Variants in ZNF804B observed in about 807,000 individuals in gnomAD.
ZNF804B encodes the protein zinc finger protein 804B.
ZNF804B carries 80 observed loss-of-function variants against 101.4 expected under a neutral mutation model. The observed-to-expected ratio is 0.79, with a 90% CI of 0.66 to 0.95. ZNF804B has a LOEUF of 0.95. Ranked by LOEUF, ZNF804B falls within the 40% of genes least tolerant of loss-of-function variation. ZNF804B has a pLI of 0.00. For missense variants in ZNF804B, 1,673 were observed against 1,561.9 expected, an observed-to-expected ratio of 1.07 and a Z score of -1.20; for synonymous variants, 622 against 558.8, an observed-to-expected ratio of 1.11 and a Z score of -1.59.
At chr7:89,315,504 T>C (rs1376730524) in intron 2 of ZNF804B, among the ~76,000 whole-genome samples, 1 of 152,190 alleles carries the variant, frequency 6.6e-6, no homozygotes, top group Non-Finnish European at 1.5e-5. Flanking sequence ...TTTTAAAATA[T>C]TGATACATCC....
intron 1 of ZNF804B, among the ~76,000 whole-genome samples, chr7:88,795,929 G>T (rs1790475197): frequency 6.6e-6 from 1 of 152,132 alleles, no homozygotes; most frequent in African/African-American, 2.4e-5. Context: ...CAGACAGATG[G>T]TGAGAATCTG....
chr7:88,923,696 T>C (rs1584019048), intron 1 of ZNF804B, among the ~76,000 whole-genome samples: 1 of 152,214 alleles, frequency 6.6e-6, no homozygotes, highest in East Asian at 1.9e-4. Flanking sequence ...TTTCTCATTT[T>C]TCCTGAGGTA....
At position 89,210,827 on chromosome 7, in the gene ZNF804B, T is replaced by C. The variant is rs570930271; in HGVS notation, c.109-7328T>C. Among the ~76,000 whole-genome samples, 3 of 152,334 alleles carry C rather than the reference T, an allele frequency of 2.0e-5. No homozygotes were observed. In the East Asian group the frequency reaches 5.8e-4, roughly 29 times the overall value. ...ACATGGTATGCGTGTATTTCTGTAA[T>C]AGAATGACTTATATTCCTTTGGGTA... On this transcript the variant is annotated intron_variant, in intron 1 of 3. Transcript: ENST00000333190.
intron 1 of ZNF804B, among the ~76,000 whole-genome samples, chr7:88,981,352 T>G (rs1793691730): frequency 6.6e-6 from 1 of 152,078 alleles, no homozygotes; most frequent in South Asian, 2.1e-4. Context: ...TATTCTACTG[T>G]GGTTGAGCTA....
intron 1 of ZNF804B, among the ~76,000 whole-genome samples, chr7:89,021,384 A>T (rs1370390734): frequency 6.6e-6 from 1 of 152,114 alleles, no homozygotes. Context: ...GTGATTCACT[A>T]TGGTTGGGGT....
intron 1 of ZNF804B, among the ~76,000 whole-genome samples, chr7:88,868,105 C>A (rs1791762980): frequency 6.7e-6 from 1 of 148,814 alleles, no homozygotes; most frequent in Non-Finnish European, 1.5e-5. Context: ...TTTCTTTAAG[C>A]AACAAATGCT....
At chr7:88,924,626 C>G (rs1273111151) in intron 1 of ZNF804B, among the ~76,000 whole-genome samples, 2 of 152,242 alleles carry the variant, frequency 1.3e-5, no homozygotes, top group East Asian at 1.9e-4. Context: ...AGTCCTCAAC[C>G]TGGGAAAGCT....
At chr7:88,762,558 T>G (rs1399242392) in intron 1 of ZNF804B, among the ~76,000 whole-genome samples, 1 of 152,250 alleles carries the variant, frequency 6.6e-6, no homozygotes, top group African/African-American at 2.4e-5. Flanking sequence ...TATAGATCTT[T>G]TTTTAATTCA....
At chr7:88,846,451 T>A (rs1791374642) in intron 1 of ZNF804B, among the ~76,000 whole-genome samples, 1 of 152,218 alleles carries the variant, frequency 6.6e-6, no homozygotes, top group Admixed American at 6.5e-5. Flanking sequence ...GGACAAATGT[T>A]ATATGTTATC....
At chr7:88,992,238 A>G (rs1199340124) in intron 1 of ZNF804B, among the ~76,000 whole-genome samples, 2 of 152,158 alleles carry the variant, frequency 1.3e-5, no homozygotes, top group Admixed American at 6.5e-5. Context: ...TATTTTGCAT[A>G]CCAAAATTAA....
chr7:89,311,883 T>C lies in ZNF804B; in HGVS notation c.250-15461T>C, dbSNP rs1163456019. The stretch of plus-strand genomic sequence containing the variant: ...AGTTTAACTTTGGATATGCCATGGG[T>C]AGAAATTAAATAAACCTTGTAATTA... On this transcript the variant is annotated intron_variant, in intron 2 of 3. Coordinates refer to ENST00000333190, the MANE Select transcript of ZNF804B (RefSeq NM_181646.5). Among the ~76,000 whole-genome samples the C allele has an allele frequency of 4.6e-5, 7 of 152,298 alleles. No homozygotes were observed. The East Asian group carries it at 5.8e-4, about 13-fold the overall frequency.
chr7:89,156,036 CTTTCTTTCTTTCTTTCTTTCTTTCTTT>C (rs1562899697), intron 1 of ZNF804B, among the ~76,000 whole-genome samples: 87 of 56,746 alleles, frequency 1.5e-3, no homozygotes, highest in African/African-American at 2.2e-3. Context: ...TTCTTTCTTT[CTTTCTTTCTTTCTTTCTTTCTTTCTTT>C]CTTTCTTTCT....
chr7:88,985,794 T>G lies in ZNF804B; in HGVS notation c.108+225710T>G, dbSNP rs190930822. 1.0e-3 allele frequency among the ~76,000 whole-genome samples: 155 copies of G among 152,192 alleles called. 2 individuals are homozygous for G. Among genetic ancestry groups the G allele is most frequent in the African/African-American group, 3.6e-3 (150 of 41,568 alleles). On this transcript the variant is annotated intron_variant, in intron 1 of 3. Coordinates refer to ENST00000333190, the MANE Select transcript of ZNF804B (RefSeq NM_181646.5). ...ACTTTTTGAAAGGAGAAAAGTGTTC[T>G]ATAACCACCATGGGTCACCTGTTGA... is the stretch of plus-strand genomic sequence containing the variant.
intron 1 of ZNF804B, among the ~76,000 whole-genome samples, chr7:88,816,011 C>T (rs1790869930): frequency 6.6e-6 from 1 of 152,162 alleles, no homozygotes; most frequent in Admixed American, 6.5e-5. Flanking sequence ...TGCTATCCTA[C>T]TCCGACTCTA....
intron 2 of ZNF804B, among the ~76,000 whole-genome samples, chr7:89,275,622 G>C (rs9691184): frequency 0.15 from 23,086 of 151,720 alleles, 2,281 homozygotes; most frequent in Middle Eastern, 0.28. Context: ...TCAGATCTCT[G>C]ATCCAATTCC....
Position 89,336,233 on chromosome 7 carries a change from G to A in ZNF804B, c.3251G>A (p.Gly1084Asp), listed in dbSNP as rs139960501. The change falls in exon 4 of 4, where the codon GGT (glycine) becomes GAT (aspartate). Residue 1084 changes from glycine (G) to aspartate (D), a missense_variant. Physicochemically the swap from Gly to Asp is moderately conservative, Grantham distance 94 (BLOSUM62 -1). Coordinates refer to ENST00000333190, the MANE Select transcript of ZNF804B (RefSeq NM_181646.5). ...PGAFPSNKYT[G>D]VTDSTETQED... ...GCTTTTCCGTCTAATAAATATACTG[G>A]TGTGACTGATTCAACAGAGACCCAA... The A allele has an allele frequency of 1.8e-4, 286 of 1,613,756 alleles. 2 individuals carry two copies. The African/African-American group carries it at 3.4e-3, about 19-fold the overall frequency.
rs140428146 is a variant in ZNF804B, at chr7:88,976,448, A to G, written c.108+216364A>G. On this transcript the variant is annotated intron_variant, in intron 1 of 3. Coordinates refer to ENST00000333190, the MANE Select transcript of ZNF804B (RefSeq NM_181646.5). ...CTTGCATCAATGTTTTAAATTTTCAATGTAGAGATTTTTTTGGTTAATTCC... is the reference window on the plus strand; with the variant it reads ...CTTGCATCAATGTTTTAAATTTTCAGTGTAGAGATTTTTTTGGTTAATTCC... Among the ~76,000 whole-genome samples, 355 of 151,404 alleles carry G rather than the reference A, an allele frequency of 2.3e-3. 3 individuals are homozygous for G. In the Middle Eastern group the frequency reaches 0.027, roughly 12 times the overall value.
chr7:88,910,238 T>C, intron 1 of ZNF804B, among the ~76,000 whole-genome samples: 1 of 151,848 alleles, frequency 6.6e-6, no homozygotes, highest in East Asian at 1.9e-4. Context: ...AAACAAAAAC[T>C]AGGTCACTAA....
chr7:89,085,220 AG>A (rs1463300391), intron 1 of ZNF804B, among the ~76,000 whole-genome samples: 3 of 151,872 alleles, frequency 2.0e-5, no homozygotes, highest in African/African-American at 4.8e-5. Flanking sequence ...TCTATGTTTG[AG>A]ATTTTCTACT....
Sources: allele counts gnomAD v4.1 joint callset (sites outside exome capture counted in the v4.1 genomes callset), GRCh38; gene constraint gnomAD v4.1.1; transcripts MANE v1.5; gene names NCBI Gene and HGNC (gene_info 2026-07-23, HGNC 2026-07-21).